The following HERC1 variants were observed in gnomAD, a reference collection of about 807,000 sequenced individuals.
The protein encoded by HERC1 is HECT and RLD domain containing E3 ubiquitin protein ligase family member 1, also known as probable E3 ubiquitin-protein ligase HERC1.
Under a neutral mutation model 554.3 loss-of-function variants are expected in HERC1, and 160 were observed. The ratio of observed to expected loss-of-function variants is 0.29; its 90% confidence interval spans 0.25 to 0.33. The LOEUF (loss-of-function observed/expected upper bound fraction) is 0.33, where lower values mean the gene tolerates loss of function less well. Among genes scored for constraint, HERC1 ranks in the 10% least tolerant of loss-of-function variants. HERC1 has a pLI of 1.00. For missense variants in HERC1, 4,919 were observed against 5,918.5 expected, an observed-to-expected ratio of 0.83 and a Z score of 5.54; for synonymous variants, 2,175 against 2,131.7, an observed-to-expected ratio of 1.02 and a Z score of -0.56.
At position 63,756,722 on chromosome 15, in the gene HERC1, A is replaced by T; in HGVS notation, c.1248T>A (p.Phe416Leu). ...TAACAGAGCCATCCGTAGAAATGAC[A>T]AAAGTGCAGTACTGTCCAGCTTCAA... ...QTIEAGQYCTFVISTDGSVRA... is the reference protein window; with the variant it reads ...QTIEAGQYCTLVISTDGSVRA... Residue 416 changes from phenylalanine to leucine, a missense_variant, in exon 5 of 78, where the codon TTT becomes TTA. Coordinates refer to ENST00000443617, the MANE Select transcript of HERC1 (RefSeq NM_003922.4). The surrounding 1 kb of genome is among the most constrained non-coding windows in gnomAD (Gnocchi z 5.0). 6.2e-7 allele frequency: 1 copy of T among 1,610,076 alleles called. No individual in the cohort carries two copies.
rs1242850826 is a variant in HERC1, at chr15:63,718,503, C to T, written c.3978+71G>A. ...ATAACCAAGGCACATTTTTTTCTCA[C>T]ATAAACCAATTTAGAGCTAGCTCTC... On this transcript the variant is annotated intron_variant, in intron 21 of 77. Transcript: ENST00000443617. The surrounding 1 kb of genome is among the most constrained non-coding windows in gnomAD (Gnocchi z 4.2). The T allele has an allele frequency of 1.4e-6, 2 of 1,459,582 alleles. No individual in the cohort carries two copies. Among genetic ancestry groups the T allele is most frequent in the African/African-American group, 1.4e-5 (1 of 70,064 alleles). 90.4% of individuals were successfully genotyped at this position (1,459,582 alleles called of 1,614,324 possible). A position where few individuals can be genotyped will look rare whatever the true frequency, so the allele number is the denominator to read the frequency against.
intron 38 of HERC1, among the ~76,000 whole-genome samples, chr15:63,673,629 G>GA (rs397804680): frequency 6.5e-4 from 6 of 9,238 alleles, no homozygotes; most frequent in Non-Finnish European, 4.8e-3. Flanking sequence ...AGATAAAACA[G>GA]AGCTTTTCTT....
In HERC1 at chr15:63,775,673, G is replaced by C; in HGVS notation, c.-26-24C>G. 3 of 1,384,888 alleles carry C rather than the reference G, an allele frequency of 2.2e-6. No individual in the cohort carries two copies. The highest frequency in any genetic ancestry group is 3.0e-6 in the Non-Finnish European group (3 of 1,010,342). The allele number at this position is 1,384,888 out of a possible 1,614,324, so 85.8% of individuals were successfully genotyped here. A position where few individuals can be genotyped will look rare whatever the true frequency, so the allele number is the denominator to read the frequency against. On this transcript the variant is annotated intron_variant, in intron 1 of 77. Transcript: ENST00000443617. The surrounding 1 kb of genome is among the most constrained non-coding windows in gnomAD (Gnocchi z 4.0). Reference sequence around the variant, plus strand: ...TCCTGCAAAGGGAGAAGAGAAAACAGTCAAAAACATACAGAGGACTCATAA... The same window carrying C: ...TCCTGCAAAGGGAGAAGAGAAAACACTCAAAAACATACAGAGGACTCATAA...
chr15:63,609,388 GT>G (rs1483410583), intron 77 of HERC1, 122 bp from the exon 78 acceptor site: 1 of 870,980 alleles, frequency 1.1e-6, no homozygotes, highest in African/African-American at 1.7e-5. Flanking sequence ...GTTAAGTCAA[GT>G]GGACACAGAG....
intron 77 of HERC1, among the ~76,000 whole-genome samples, chr15:63,609,901 A>G (rs2067514964): frequency 6.6e-6 from 1 of 152,198 alleles, no homozygotes; most frequent in Admixed American, 6.5e-5. Flanking sequence ...AAAGGTGTTC[A>G]GGATACATTA....
intron 1 of HERC1, among the ~76,000 whole-genome samples, chr15:63,826,814 A>AAAAAATATATAT (rs1567168622): frequency 4.5e-5 from 1 of 22,236 alleles, no homozygotes; most frequent in African/African-American, 1.3e-4. Context: ...AAAAAAAAAA[A>AAAAAATATATAT]ATATATATAT....
At chr15:63,803,221 T>G (rs545510615) in intron 1 of HERC1, among the ~76,000 whole-genome samples, 2 of 152,046 alleles carry the variant, frequency 1.3e-5, no homozygotes, top group Non-Finnish European at 2.9e-5. Flanking sequence ...TTTAAAAAAC[T>G]AATAAAAAGA....
chr15:63,693,002 G>A (rs1382994989), intron 30 of HERC1, among the ~76,000 whole-genome samples: 2 of 151,862 alleles, frequency 1.3e-5, no homozygotes, highest in African/African-American at 4.8e-5. Context: ...CCAACATAGC[G>A]AAACCCCGTC....
In HERC1 at chr15:63,612,580, T is replaced by C. The variant is rs2067647061; in HGVS notation, c.14095-24A>G. 1.9e-6 allele frequency: 3 copies of C among 1,602,000 alleles called. No homozygotes were observed. In the South Asian group the frequency reaches 3.4e-5, roughly 18 times the overall value. On this transcript the variant is annotated intron_variant, in intron 76 of 77. Transcript: ENST00000443617. This position sits in a 1 kb window ranked among gnomAD's most constrained non-coding sequence, Gnocchi z 5.0. ...ACCTGCTCCCGGGAGAGGTTGCTCA[T>C]TCAATGAGTGTGCGTGAACCTGGCA...
At chr15:63,635,839 G>A in intron 65 of HERC1, 122 bp downstream of exon 65, 1 of 1,060,188 alleles carries the variant, frequency 9.4e-7, no homozygotes, top group Middle Eastern at 2.3e-4. Context: ...AAAACCAATG[G>A]ATCTCTTATA....
At chr15:63,715,627 T>C (rs922668809) in intron 22 of HERC1, among the ~76,000 whole-genome samples, 9 of 152,204 alleles carry the variant, frequency 5.9e-5, no homozygotes, top group African/African-American at 2.2e-4. Context: ...ACCAAAGGCA[T>C]TGCTGATCAT....
intron 50 of HERC1, among the ~76,000 whole-genome samples, chr15:63,655,262 G>A (rs1287147249): frequency 1.3e-5 from 2 of 149,066 alleles, no homozygotes; most frequent in Non-Finnish European, 3.0e-5. Context: ...GCTGAGGCAG[G>A]AGAATCACTT....
chr15:63,733,275 TA>T (rs1279573962), intron 13 of HERC1, 130 bp from the exon 14 acceptor site: 2 of 629,084 alleles, frequency 3.2e-6, no homozygotes, highest in East Asian at 5.4e-5. Flanking sequence ...AGGAAGTACA[TA>T]ATTATAAAAA....
chr15:63,756,302 A>C lies in HERC1; in HGVS notation c.1533+135T>G, dbSNP rs1049530280. On this transcript the variant is annotated intron_variant, in intron 5 of 77. Coordinates refer to ENST00000443617, the MANE Select transcript of HERC1 (RefSeq NM_003922.4). This position sits in a 1 kb window ranked among gnomAD's most constrained non-coding sequence, Gnocchi z 5.0. ...ATACAAAGGTGTTCTGTAAACTGTA[A>C]AGCAGAGATACAAAAGATTAAGCCA... 4 of 671,414 alleles carry C rather than the reference A, an allele frequency of 6.0e-6. No individual in the cohort carries two copies. Among genetic ancestry groups the C allele is most frequent in the Non-Finnish European group, 1.1e-5 (4 of 380,540 alleles). The allele number at this position is 671,414 out of a possible 1,614,324, so 41.6% of individuals were successfully genotyped here. A position where few individuals can be genotyped will look rare whatever the true frequency, so the allele number is the denominator to read the frequency against.
At chr15:63,721,964 G>C (rs934159794) in intron 19 of HERC1, among the ~76,000 whole-genome samples, 2 of 152,176 alleles carry the variant, frequency 1.3e-5, no homozygotes, top group African/African-American at 2.4e-5. Flanking sequence ...GGGTTCAAGT[G>C]ATTGTTGTCC....
chr15:63,756,046 T>C lies in HERC1; in HGVS notation c.1533+391A>G, dbSNP rs2075411153. 6.6e-6 allele frequency among the ~76,000 whole-genome samples: 1 copy of C among 152,194 alleles called. No individual in the cohort carries two copies. ...TCTTTAATATTATCTGAAATTATTC[T>C]ATATGCTTGTTAACTTATTATCTCT... On this transcript the variant is annotated intron_variant, in intron 5 of 77. Transcript: ENST00000443617. This position sits in a 1 kb window ranked among gnomAD's most constrained non-coding sequence, Gnocchi z 5.0.
chr15:63,689,643 A>G lies in HERC1; in HGVS notation c.5994T>C (p.Ala1998=). ...LSDCMWETPI[A]QAKHAIQIKE... is the part of the protein sequence containing the mutation. ...TTATCTGAATAGCATGTTTGGCCTG[A>G]GCAATGGGTGTCTCCCACATACAAT... The change falls in exon 33 of 78, where the codon GCT becomes GCC. Residue 1998 remains alanine (A), a synonymous_variant. Transcript: ENST00000443617. 1.3e-6 allele frequency: 2 copies of G among 1,590,146 alleles called. No homozygotes were observed. The highest frequency in any genetic ancestry group is 1.7e-6 in the Non-Finnish European group (2 of 1,166,974).
intron 1 of HERC1, among the ~76,000 whole-genome samples, chr15:63,795,884 G>A (rs2076797692): frequency 6.6e-6 from 1 of 152,216 alleles, no homozygotes; most frequent in South Asian, 2.1e-4. Flanking sequence ...GAGAATCAAG[G>A]AAGCAGGAAG....
intron 8 of HERC1, 129 bp downstream of exon 8, chr15:63,752,829 T>A (rs566483598): frequency 9.2e-6 from 8 of 872,130 alleles, no homozygotes; most frequent in Admixed American, 5.3e-5. Context: ...CAGAAGAAGA[T>A]ATTTCATTTT....
Sources: gnomAD v4.1 joint callset for allele counts (sites outside exome capture counted in the v4.1 genomes callset) on GRCh38, gnomAD v4.1.1 for gene constraint, Gnocchi (gnomAD v3.1) non-coding constraint, MANE v1.5 for transcripts, NCBI Gene and HGNC (gene_info 2026-07-23, HGNC 2026-07-21) for gene names.